DRC4: variants seen among roughly 807,000 people sequenced by gnomAD.
DRC4 encodes dynein regulatory complex subunit 4, also known as GAS-11.
chr16:90,042,340 G>A, the DRC4 span: 1 of 735,054 alleles, frequency 1.4e-6, no homozygotes, highest in Admixed American at 2.0e-5. Flanking sequence ...ACCCTGTGTG[G>A]ATGGATGCAT....
the DRC4 span, among the ~76,000 whole-genome samples, chr16:90,038,429 C>T: frequency 1.3e-5 from 2 of 152,346 alleles, no homozygotes; most frequent in African/African-American, 4.8e-5. Flanking sequence ...CTGCTTGGTG[C>T]TGCGTTTTGT....
the DRC4 span, chr16:90,036,469 G>C: frequency 6.2e-7 from 1 of 1,614,074 alleles, no homozygotes; most frequent in Non-Finnish European, 8.5e-7. Flanking sequence ...AAGTGGAGGA[G>C]AGGAAGAATG....
At chr16:90,039,226 G>T in the DRC4 span, among the ~76,000 whole-genome samples, 2 of 152,182 alleles carry the variant, frequency 1.3e-5, no homozygotes, top group South Asian at 4.1e-4. Flanking sequence ...GCAGAGACGT[G>T]CCTGGGTTGG....
At chr16:90,042,616 C>G in the DRC4 span, 2 of 1,133,716 alleles carry the variant, frequency 1.8e-6, no homozygotes, top group Non-Finnish European at 2.6e-6. Context: ...TCTGAGGACC[C>G]CACCTGTGCC....
chr16:90,037,775 G>A, the DRC4 span: 24 of 1,614,110 alleles, frequency 1.5e-5, no homozygotes, highest in Admixed American at 8.3e-5. Context: ...ACAAAAGCCC[G>A]TTTGAAAGTC....
chr16:90,037,512 G>T, the DRC4 span: 2 of 1,237,896 alleles, frequency 1.6e-6, no homozygotes, highest in Non-Finnish European at 2.2e-6. Context: ...GAGACGGGGA[G>T]GCCTGCATTT....
the DRC4 span, chr16:90,043,647 C>G: frequency 1.7e-6 from 1 of 572,730 alleles, no homozygotes; most frequent in Admixed American, 2.2e-5. Context: ...CCCGCACTCA[C>G]CTGGGGGTTG....
chr16:90,031,241 C>G, the DRC4 span: 1 of 1,605,614 alleles, frequency 6.2e-7, no homozygotes. Context: ...GCCACACGCC[C>G]CGTTGCCGTG....
At chr16:90,036,425 G>A in the DRC4 span, 5,901 of 1,612,348 alleles carry the variant, frequency 3.7e-3, 269 homozygotes, top group Admixed American at 0.083. Flanking sequence ...GCTGAGGGAC[G>A]AACTCGACTT....
At chr16:90,043,199 C>T in the DRC4 span, 1 of 1,611,292 alleles carries the variant, frequency 6.2e-7, no homozygotes, top group Non-Finnish European at 8.5e-7. Flanking sequence ...TCCACAGGCC[C>T]ATAACGACCT....
At chr16:90,023,296 C>A in the DRC4 span, among the ~76,000 whole-genome samples, 1 of 152,170 alleles carries the variant, frequency 6.6e-6, no homozygotes, top group Non-Finnish European at 1.5e-5. Flanking sequence ...ACCACTGTTC[C>A]CTTGGAAAGC....
chr16:90,028,787 A>G, the DRC4 span: 35 of 589,612 alleles, frequency 5.9e-5, no homozygotes, highest in South Asian at 6.4e-4. Flanking sequence ...GGCTGTGTCA[A>G]CTCTGTGTTA....
chr16:90,024,811 A>T, the DRC4 span, among the ~76,000 whole-genome samples: 1 of 151,996 alleles, frequency 6.6e-6, no homozygotes, highest in African/African-American at 2.4e-5. Context: ...ATCTCAAAAA[A>T]AACAAAAACA....
At chr16:90,019,856 G>A in the DRC4 span, 1 of 678,668 alleles carries the variant, frequency 1.5e-6, no homozygotes, top group Non-Finnish European at 2.7e-6. This position sits in a 1 kb window ranked among gnomAD's most constrained non-coding sequence, Gnocchi z 6.1. Flanking sequence ...GCTGGGTAAT[G>A]ACAGACTCAC....
At chr16:90,037,207 G>C in the DRC4 span, 6 of 1,583,020 alleles carry the variant, frequency 3.8e-6, no homozygotes, top group Non-Finnish European at 4.3e-6. Flanking sequence ...CTGAGCCCCT[G>C]CCGGGCCTGT....
chr16:90,036,290 C>A, the DRC4 span: 4 of 1,125,216 alleles, frequency 3.6e-6, no homozygotes, highest in Non-Finnish European at 5.1e-6. Context: ...CCACAGTGGG[C>A]GTTTTGGGCC....
the DRC4 span, chr16:90,037,344 T>A: frequency 1.1e-5 from 17 of 1,613,868 alleles, no homozygotes; most frequent in African/African-American, 1.1e-4. Context: ...CGGGAGGAGA[T>A]GAGCGAGATG....
the DRC4 span, among the ~76,000 whole-genome samples, chr16:90,032,535 C>T: frequency 7.9e-6 from 1 of 126,198 alleles, no homozygotes; most frequent in Admixed American, 9.2e-5. Context: ...GTATGGGTGA[C>T]CAGGTGTGTA....
the DRC4 span, among the ~76,000 whole-genome samples, chr16:90,023,441 G>C: frequency 2.6e-5 from 4 of 152,208 alleles, no homozygotes; most frequent in Admixed American, 2.0e-4. Context: ...TTCTGGGCAG[G>C]TGTGGCAGGG....
Sources: gnomAD v4.1 joint callset for allele counts (sites outside exome capture counted in the v4.1 genomes callset) on GRCh38, gnomAD v4.1.1 for gene constraint, Gnocchi (gnomAD v3.1) non-coding constraint, MANE v1.5 for transcripts, NCBI Gene and HGNC (gene_info 2026-07-23, HGNC 2026-07-21) for gene names.